The following PCED1B variants were observed in gnomAD, a reference collection of about 807,000 sequenced individuals.
PCED1B encodes the protein PC-esterase domain-containing protein 1B.
For synonymous variants in PCED1B, 251 were observed against 246.1 expected (o/e 1.02, Z -0.19); for missense variants, 573 against 573.9 (o/e 1.00, Z 0.02).
At chr12:47,152,718 G>A (rs1417605131) in intron 2 of PCED1B, among the ~76,000 whole-genome samples, 2 of 152,018 alleles carry the variant, frequency 1.3e-5, no homozygotes, top group Non-Finnish European at 2.9e-5. Context: ...ATCACCTGAG[G>A]TCAGGAGTTC....
At chr12:47,224,767 G>A (rs547228548) in intron 3 of PCED1B, among the ~76,000 whole-genome samples, 1 of 152,280 alleles carries the variant, frequency 6.6e-6, no homozygotes, top group Non-Finnish European at 1.5e-5. Context: ...CAAATGTGCA[G>A]TAACAGCTGT....
intron 3 of PCED1B, among the ~76,000 whole-genome samples, chr12:47,222,523 A>T (rs1234890967): frequency 6.6e-6 from 1 of 151,450 alleles, no homozygotes; most frequent in Admixed American, 6.6e-5. Context: ...AGATAACTTT[A>T]TTCTCTCTAC....
At position 47,132,525 on chromosome 12, in the gene PCED1B, T is replaced by C. The variant is rs185587647; in HGVS notation, c.-526+28330T>C. Among the ~76,000 whole-genome samples the C allele has an allele frequency of 1.6e-3, 237 of 152,306 alleles. 1 individual carries two copies. Among genetic ancestry groups the C allele is most frequent in the Non-Finnish European group, 2.7e-3 (182 of 68,022 alleles). On this transcript the variant is annotated intron_variant, in intron 2 of 3. Coordinates refer to ENST00000546455, the MANE Select transcript of PCED1B (RefSeq NM_138371.3). ...TTTACATTATCAGGAAAGCAATCCA[T>C]CTCACCCAGGATGGTTTATTTGAAG...
chr12:47,134,405 A>C (rs780633473), intron 2 of PCED1B, among the ~76,000 whole-genome samples: 32 of 152,198 alleles, frequency 2.1e-4, no homozygotes, highest in Non-Finnish European at 4.4e-5. Flanking sequence ...AATACAGAGA[A>C]GATATCCCTT....
At chr12:47,209,964 T>C (rs924787161) in intron 2 of PCED1B, 1 of 152,298 alleles carries the variant, frequency 6.6e-6, no homozygotes, top group East Asian at 1.9e-4. Context: ...AGTAGACTGA[T>C]CAGAGACTAG....
chr12:47,098,352 A>G (rs1220458674), intron 1 of PCED1B, among the ~76,000 whole-genome samples: 1 of 152,272 alleles, frequency 6.6e-6, no homozygotes, highest in East Asian at 1.9e-4. Flanking sequence ...GTCAAGGACA[A>G]CTAAAGCTAC....
chr12:47,112,017 G>A (rs989148630), intron 2 of PCED1B, among the ~76,000 whole-genome samples: 5 of 152,128 alleles, frequency 3.3e-5, no homozygotes, highest in East Asian at 1.9e-4. Context: ...CAGAGAAAAG[G>A]CAGCCCACCT....
intron 2 of PCED1B, among the ~76,000 whole-genome samples, chr12:47,106,303 T>G (rs1186908460): frequency 1.3e-5 from 2 of 152,242 alleles, no homozygotes; most frequent in Non-Finnish European, 2.9e-5. Context: ...AGCTGTTTTC[T>G]CAGATAAATT....
intron 1 of PCED1B, among the ~76,000 whole-genome samples, chr12:47,099,011 G>A (rs184728359): frequency 6.3e-4 from 96 of 152,230 alleles, no homozygotes; most frequent in South Asian, 2.3e-3. Context: ...GTTAATTTGA[G>A]TGAGATTCGA....
intron 2 of PCED1B, chr12:47,205,944 CG>C (rs1208622767): frequency 3.3e-5 from 5 of 152,138 alleles, no homozygotes; most frequent in Non-Finnish European, 7.3e-5. Context: ...TCTCCCCCAG[CG>C]TTTGGAGAGC....
intron 2 of PCED1B, among the ~76,000 whole-genome samples, chr12:47,116,831 T>C (rs1275712799): frequency 1.3e-5 from 2 of 152,198 alleles, no homozygotes; most frequent in African/African-American, 2.4e-5. Flanking sequence ...TTTAGCACTT[T>C]TTAAAAACAG....
At chr12:47,113,464 G>A (rs527346821) in intron 2 of PCED1B, among the ~76,000 whole-genome samples, 8 of 152,282 alleles carry the variant, frequency 5.3e-5, no homozygotes, top group South Asian at 4.1e-4. Flanking sequence ...AGATCTGACT[G>A]TTTGCTCAGC....
In PCED1B at chr12:47,235,881, C is replaced by G. The variant is rs1943965969; in HGVS notation, c.818C>G (p.Pro273Arg). ...GEWIKKKKPGPRVEGPPQANR... is the reference protein window; with the variant it reads ...GEWIKKKKPGRRVEGPPQANR... ...TGGATCAAGAAGAAAAAACCTGGCC[C>G]GAGAGTCGAAGGGCCGCCCCAGGCC... Residue 273 changes from proline to arginine, a missense_variant, in exon 4 of 4, where the codon CCG (proline) becomes CGG (arginine). By Grantham distance (103) the Pro-to-Arg change is moderately radical. Transcript: ENST00000546455. 1.3e-6 allele frequency: 2 copies of G among 1,588,006 alleles called. No individual in the cohort carries two copies. The highest frequency in any genetic ancestry group is 2.7e-5 in the African/African-American group (2 of 74,064).
chr12:47,194,395 G>A (rs1942538538), intron 2 of PCED1B, among the ~76,000 whole-genome samples: 2 of 152,162 alleles, frequency 1.3e-5, no homozygotes, highest in South Asian at 2.1e-4. Context: ...GGCTGGTCTC[G>A]AACTCCTGAC....
intron 2 of PCED1B, among the ~76,000 whole-genome samples, chr12:47,169,918 G>T (rs542843987): frequency 0.012 from 909 of 74,588 alleles, 6 homozygotes; most frequent in African/African-American, 0.041. Context: ...TTTTTTTTTA[G>T]TATCATTCTT....
chr12:47,213,997 T>C (rs1943172052), intron 2 of PCED1B, among the ~76,000 whole-genome samples: 1 of 152,246 alleles, frequency 6.6e-6, no homozygotes, highest in Non-Finnish European at 1.5e-5. Flanking sequence ...CTAGCTGAAA[T>C]CTACAGAACT....
rs565661311 is a variant in PCED1B, at chr12:47,196,688, C to T, written c.-525-19534C>T. Among the ~76,000 whole-genome samples, 12 of 152,116 alleles carry T rather than the reference C, an allele frequency of 7.9e-5. No individual in the cohort carries two copies. In the South Asian group the frequency reaches 1.9e-3, roughly 24 times the overall value. On this transcript the variant is annotated intron_variant, in intron 2 of 3. Transcript: ENST00000546455. ...ACTAAAATTGCAAAAATTATCTGGG[C>T]GTGGTGGCGGGCGCCTGTAATCCCA...
chr12:47,127,758 C>CTA (rs1278684673), intron 2 of PCED1B, among the ~76,000 whole-genome samples: 2 of 152,096 alleles, frequency 1.3e-5, no homozygotes, highest in African/African-American at 2.4e-5. Flanking sequence ...TGTTTTATGG[C>CTA]TTAGAATGTT....
intron 1 of PCED1B, among the ~76,000 whole-genome samples, chr12:47,093,787 C>T (rs555522506): frequency 6.6e-6 from 1 of 152,046 alleles, no homozygotes; most frequent in East Asian, 1.9e-4. Context: ...TCAGAGAAGA[C>T]ATTCTGAAAG....
Sources: allele counts gnomAD v4.1 joint callset (sites outside exome capture counted in the v4.1 genomes callset), GRCh38; gene constraint gnomAD v4.1.1; transcripts MANE v1.5; gene names NCBI Gene and HGNC (gene_info 2026-07-23, HGNC 2026-07-21).